Variants in VPS13A observed in about 807,000 individuals in gnomAD.
VPS13A encodes vacuolar protein sorting 13 homolog A.
VPS13A carries 264 observed loss-of-function variants against 390.9 expected under a neutral mutation model. That is an observed-to-expected ratio of 0.68 (90% CI 0.61 to 0.75). The LOEUF is 0.75. VPS13A is among the 30% of genes least tolerant of loss of function. The pLI is 0.00. For missense variants in VPS13A, 3,409 were observed against 3,733.9 expected (o/e 0.91, Z 2.27); for synonymous variants, 1,231 against 1,227.1 (o/e 1.00, Z -0.07).
chr9:77,412,725 CA>C (rs1399568205), intron 71 of VPS13A, among the ~76,000 whole-genome samples: 7 of 152,118 alleles, frequency 4.6e-5, no homozygotes, highest in Non-Finnish European at 8.8e-5. Context: ...TCCTATTCAA[CA>C]TAGTGTTGGA....
At chr9:77,407,794 G>C in intron 71 of VPS13A, 187 bp downstream of exon 71, 1 of 540,158 alleles carries the variant, frequency 1.9e-6, no homozygotes, top group South Asian at 2.5e-5. Context: ...TTTTCTACCA[G>C]ATTCAATTCG....
chr9:77,234,996 ATACT>A (rs1432819376), intron 17 of VPS13A, among the ~76,000 whole-genome samples: 1 of 152,158 alleles, frequency 6.6e-6, no homozygotes, highest in Non-Finnish European at 1.5e-5. Flanking sequence ...ACTGCTTTAC[ATACT>A]TGTGTTCATT....
intron 35 of VPS13A, 127 bp downstream of exon 35, chr9:77,308,225 C>A: frequency 9.3e-7 from 1 of 1,078,328 alleles, no homozygotes; most frequent in Non-Finnish European, 1.4e-6. Context: ...TTCCTTCTTT[C>A]TTTCCTTCTT....
intron 7 of VPS13A, among the ~76,000 whole-genome samples, 171 bp downstream of exon 7, chr9:77,210,846 G>C (rs1375727730): frequency 1.3e-5 from 2 of 152,086 alleles, no homozygotes; most frequent in Non-Finnish European, 2.9e-5. Flanking sequence ...TTCAAAAAAT[G>C]GTTGAAAATC....
rs185069000 is a variant in VPS13A, at chr9:77,259,581, G to A, written c.2289-505G>A. On this transcript the variant is annotated intron_variant, in intron 22 of 71. Coordinates refer to ENST00000360280, the MANE Select transcript of VPS13A (RefSeq NM_033305.3). The stretch of plus-strand genomic sequence containing the variant: ...AAACTAACTTTCTGTCTCTCTCAAA[G>A]GAGACTGTCAAGGCAATTAAAAGAA... Among the ~76,000 whole-genome samples, 9 of 152,246 alleles carry A rather than the reference G, an allele frequency of 5.9e-5. No homozygotes were observed. The East Asian group carries it at 1.7e-3, about 29-fold the overall frequency.
intron 11 of VPS13A, 27 bp downstream of exon 11, chr9:77,220,108 T>C (rs1427051208): frequency 4.4e-6 from 7 of 1,583,342 alleles, no homozygotes; most frequent in Non-Finnish European, 6.1e-6. Context: ...TAATTTTCAA[T>C]TGTGAATTAT....
At chr9:77,381,281 G>GT (rs1185806719) in intron 67 of VPS13A, among the ~76,000 whole-genome samples, 8 of 152,008 alleles carry the variant, frequency 5.3e-5, no homozygotes, top group Non-Finnish European at 7.4e-5. Context: ...TGTCTGACTA[G>GT]TTTTTTTATT....
intron 63 of VPS13A, 111 bp from the exon 64 acceptor site, chr9:77,370,146 G>A (rs1832667441): frequency 8.4e-7 from 1 of 1,188,514 alleles, no homozygotes; most frequent in African/African-American, 1.5e-5. Flanking sequence ...CTTCCTCTGG[G>A]ACAACATTAT....
chr9:77,351,371 A>G lies in VPS13A; in HGVS notation c.7344A>G (p.Thr2448=), dbSNP rs762182321. 3 of 1,614,036 alleles carry G rather than the reference A, an allele frequency of 1.9e-6. No homozygotes were observed. The highest frequency in any genetic ancestry group is 1.3e-5 in the African/African-American group (1 of 75,016). ...CTCCTGGTAAAGCCGTGTTTTATACATGGGCTGATCCGGTGGGCTCTAGAA... is the reference window on the plus strand; with the variant it reads ...CTCCTGGTAAAGCCGTGTTTTATACGTGGGCTGATCCGGTGGGCTCTAGAA... ...SLPPGKAVFY[T]WADPVGSRRL... The change falls in exon 53 of 72, where the codon ACA becomes ACG. Residue 2448 remains threonine (T), a synonymous_variant. Transcript: ENST00000360280.
chr9:77,332,395 AATAG>A (rs952422125), intron 46 of VPS13A, among the ~76,000 whole-genome samples: 2 of 151,904 alleles, frequency 1.3e-5, no homozygotes, highest in African/African-American at 4.8e-5. Flanking sequence ...AAAAATGTCT[AATAG>A]ATCATGCCTG....
intron 35 of VPS13A, among the ~76,000 whole-genome samples, chr9:77,312,423 A>ATTTTTTT (rs200809406): frequency 2.0e-5 from 3 of 146,628 alleles, no homozygotes; most frequent in Non-Finnish European, 1.5e-5. Context: ...TGTTCATATA[A>ATTTTTTT]TTTTTTTTTT....
intron 7 of VPS13A, among the ~76,000 whole-genome samples, chr9:77,211,992 CT>C (rs752817390): frequency 2.6e-5 from 4 of 152,108 alleles, no homozygotes; most frequent in Admixed American, 2.6e-4. Flanking sequence ...GGTTGTGCCC[CT>C]GATGGAAAAG....
In VPS13A at chr9:77,320,510, G is replaced by C. The variant is rs552552016; in HGVS notation, c.5416-659G>C. On this transcript the variant is annotated intron_variant, in intron 42 of 71. Transcript: ENST00000360280. ...CGTGTTTCCTACCTAATAATGACTT[G>C]GTCAACCTGCAGACAGATTTTCAGT... 3.9e-5 allele frequency among the ~76,000 whole-genome samples: 6 copies of C among 152,152 alleles called. No individual in the cohort carries two copies. The East Asian group carries it at 7.7e-4, about 20-fold the overall frequency.
chr9:77,314,097 T>C lies in VPS13A; in HGVS notation c.4220T>C (p.Leu1407Pro). ...AAAACTGATGATCTCACCATGGTGC[T>C]GTATAGTCCAGGTCCTAAACAGGTA... The part of the protein sequence containing the change: ...SFKTDDLTMV[L>P]YSPGPKQASF... The change falls in exon 36 of 72, where the codon CTG (leucine) becomes CCG (proline). Residue 1407 changes from leucine to proline, a missense_variant. Leu to Pro is a moderately conservative substitution (Grantham distance 98). Coordinates refer to ENST00000360280, the MANE Select transcript of VPS13A (RefSeq NM_033305.3). 1 of 1,613,348 alleles carries C rather than the reference T, an allele frequency of 6.2e-7. No individual in the cohort carries two copies. The highest frequency in any genetic ancestry group is 8.5e-7 in the Non-Finnish European group (1 of 1,179,544).
At chr9:77,228,347 T>G (rs563466322) in intron 17 of VPS13A, 83 bp downstream of exon 17, 3 of 1,346,132 alleles carry the variant, frequency 2.2e-6, no homozygotes, top group African/African-American at 3.0e-5. Context: ...CTTAGTCTTT[T>G]GTAAAGAGCA....
intron 24 of VPS13A, among the ~76,000 whole-genome samples, chr9:77,274,426 C>CAAAAAAA (rs889400152): frequency 1.6e-5 from 1 of 62,220 alleles, no homozygotes; most frequent in East Asian, 5.8e-4. Context: ...GAGTCCGAAT[C>CAAAAAAA]AAAAAAAAAA....
At chr9:77,313,314 G>A (rs1829201527) in intron 35 of VPS13A, among the ~76,000 whole-genome samples, 1 of 152,160 alleles carries the variant, frequency 6.6e-6, no homozygotes, top group Non-Finnish European at 1.5e-5. Flanking sequence ...TAAGTGTTCA[G>A]TATCTTAATT....
chr9:77,318,972 G>T (rs146906633), intron 41 of VPS13A, among the ~76,000 whole-genome samples: 1 of 151,842 alleles, frequency 6.6e-6, no homozygotes. Flanking sequence ...CAGAAGGATC[G>T]CTTGAGCCCA....
chr9:77,233,273 T>C (rs1449441330), intron 17 of VPS13A, among the ~76,000 whole-genome samples: 1 of 152,122 alleles, frequency 6.6e-6, no homozygotes, highest in Non-Finnish European at 1.5e-5. Flanking sequence ...TTTCTAGTTA[T>C]AGATATTTGC....
Sources: allele counts gnomAD v4.1 joint callset (sites outside exome capture counted in the v4.1 genomes callset), GRCh38; gene constraint gnomAD v4.1.1; transcripts MANE v1.5; gene names NCBI Gene and HGNC (gene_info 2026-07-23, HGNC 2026-07-21).